Variants in AKAP6 observed in about 807,000 individuals in gnomAD.
AKAP6 encodes the protein A-kinase anchoring protein 6.
AKAP6 carries 58 observed loss-of-function variants against 188.5 expected under a neutral mutation model. The observed-to-expected ratio is 0.31, with a 90% CI of 0.25 to 0.38. The LOEUF is 0.38. Among genes scored for constraint, AKAP6 ranks in the 10% least tolerant of loss-of-function variants. The pLI is 1.00. For missense variants in AKAP6, 2,710 were observed against 2,740.0 expected (o/e 0.99, Z 0.24); for synonymous variants, 989 against 998.6 (o/e 0.99, Z 0.18).
chr14:32,453,430 A>T (rs966443871), intron 2 of AKAP6, among the ~76,000 whole-genome samples: 1 of 152,142 alleles, frequency 6.6e-6, no homozygotes, highest in African/African-American at 2.4e-5. Context: ...CCAGTGTTGT[A>T]ATCTAGTTTG....
chr14:32,348,433 TTTAA>T (rs1887147700), intron 1 of AKAP6, among the ~76,000 whole-genome samples: 4 of 147,770 alleles, frequency 2.7e-5, no homozygotes, highest in African/African-American at 1.0e-4. Context: ...TTTTTTTTTT[TTTAA>T]GAGTTTTGCT....
At chr14:32,510,382 ATATATATATGTG>A (rs1566546332) in intron 2 of AKAP6, among the ~76,000 whole-genome samples, 2 of 109,688 alleles carry the variant, frequency 1.8e-5, no homozygotes, top group African/African-American at 3.9e-5. Context: ...ATATATGTGT[ATATATATATGTG>A]TATATATATG....
At chr14:32,801,461 G>A (rs1594960573) in intron 12 of AKAP6, among the ~76,000 whole-genome samples, 1 of 152,076 alleles carries the variant, frequency 6.6e-6, no homozygotes, top group East Asian at 1.9e-4. Flanking sequence ...CAACATTGCT[G>A]TCATCACTTT....
intron 1 of AKAP6, among the ~76,000 whole-genome samples, chr14:32,428,072 A>C (rs1190584333): frequency 3.9e-5 from 6 of 152,210 alleles, no homozygotes; most frequent in African/African-American, 1.4e-4. Flanking sequence ...TTTCTTGCTG[A>C]GACAGAGCAG....
chr14:32,498,100 T>C (rs1387071428), intron 2 of AKAP6, among the ~76,000 whole-genome samples: 1 of 152,198 alleles, frequency 6.6e-6, no homozygotes, highest in Non-Finnish European at 1.5e-5. Context: ...GTCGTCCTTC[T>C]ACAATTCCAT....
chr14:32,652,290 G>A (rs1594813941), intron 7 of AKAP6, among the ~76,000 whole-genome samples: 1 of 152,052 alleles, frequency 6.6e-6, no homozygotes, highest in East Asian at 1.9e-4. Flanking sequence ...GTTCCCAAAT[G>A]GGAGCCACCA....
intron 12 of AKAP6, among the ~76,000 whole-genome samples, chr14:32,793,358 A>T (rs2033667305): frequency 6.6e-6 from 1 of 152,192 alleles, no homozygotes; most frequent in South Asian, 2.1e-4. Context: ...AAACAGAAAA[A>T]ATCAGGGGTT....
In AKAP6 at chr14:32,732,535, G is replaced by T. The variant is rs141386857; in HGVS notation, c.3082G>T (p.Val1028Phe). Reference protein sequence around the residue: ...SKVEALKKGGVLLPNDLLEKV... With the variant: ...SKVEALKKGGFLLPNDLLEKV... Reference sequence around the variant, plus strand: ...GGTTGAAGCTTTGAAGAAAGGTGGCGTTTTACTACCAAATGATCTCCTTGA... The same window carrying T: ...GGTTGAAGCTTTGAAGAAAGGTGGCTTTTTACTACCAAATGATCTCCTTGA... The change falls in exon 10 of 14, where the codon GTT becomes TTT. Residue 1028 changes from valine (V) to phenylalanine (F), a missense_variant. Transcript: ENST00000280979. The T allele has an allele frequency of 1.2e-6, 2 of 1,613,518 alleles. No homozygotes were observed. The highest frequency in any genetic ancestry group is 2.7e-5 in the African/African-American group (2 of 74,992).
chr14:32,491,094 A>C (rs1210614654), intron 2 of AKAP6, among the ~76,000 whole-genome samples: 1 of 152,150 alleles, frequency 6.6e-6, no homozygotes, highest in Non-Finnish European at 1.5e-5. Context: ...TCTCAGATTA[A>C]TTCTGATCAT....
intron 7 of AKAP6, among the ~76,000 whole-genome samples, chr14:32,623,793 T>C (rs1157145060): frequency 6.6e-6 from 1 of 152,280 alleles, no homozygotes; most frequent in Non-Finnish European, 1.5e-5. Context: ...CCGTATTCCT[T>C]GTCCTAATAA....
In AKAP6 at chr14:32,829,951, A is replaced by G. The variant is rs1472519954; in HGVS notation, c.*146A>G. On this transcript the variant is annotated 3_prime_UTR_variant, in exon 14 of 14. Transcript: ENST00000280979. Reference sequence around the variant, plus strand: ...CCGTTTATTACATTGACTTCTCCCAAGATGAATCTTCCTTCCAAATGTGTT... The same window carrying G: ...CCGTTTATTACATTGACTTCTCCCAGGATGAATCTTCCTTCCAAATGTGTT... 4 of 702,558 alleles carry G rather than the reference A, an allele frequency of 5.7e-6. No homozygotes were observed. Among genetic ancestry groups the G allele is most frequent in the Non-Finnish European group, 7.8e-6 (3 of 384,772 alleles). 43.5% of individuals were successfully genotyped at this position (702,558 alleles called of 1,614,324 possible).
intron 2 of AKAP6, among the ~76,000 whole-genome samples, chr14:32,513,741 CA>C (rs1269696956): frequency 1.3e-5 from 2 of 151,852 alleles, no homozygotes; most frequent in Non-Finnish European, 2.9e-5. Flanking sequence ...ATAAACAGTA[CA>C]ATAAAAATCA....
intron 1 of AKAP6, among the ~76,000 whole-genome samples, chr14:32,341,907 G>A (rs1886902011): frequency 6.6e-6 from 1 of 152,156 alleles, no homozygotes; most frequent in Admixed American, 6.5e-5. Context: ...AGCTACTAGG[G>A]AGGCTGAGGC....
chr14:32,413,639 A>G (rs995113605), intron 1 of AKAP6, among the ~76,000 whole-genome samples: 1 of 152,150 alleles, frequency 6.6e-6, no homozygotes, highest in Non-Finnish European at 1.5e-5. Flanking sequence ...TAAATTCTCC[A>G]TAGCTCTTAG....
Position 32,773,758 on chromosome 14 carries a change from G to A in AKAP6, c.3453G>A (p.Arg1151=), listed in dbSNP as rs766914800. 9 of 1,613,986 alleles carry A rather than the reference G, an allele frequency of 5.6e-6. No individual in the cohort carries two copies. The highest frequency in any genetic ancestry group is 1.1e-5 in the South Asian group (1 of 91,078). The part of the protein sequence containing the change: ...LRLCQHLLDD[R]ETCNLNADHQ... ...TATGCCAGCATCTTTTGGATGACCG[G>A]GAGACTTGCAATCTGAATGCAGACC... Residue 1151 remains arginine, a synonymous_variant, in exon 12 of 14, where the codon CGG becomes CGA. Transcript: ENST00000280979.
intron 7 of AKAP6, among the ~76,000 whole-genome samples, chr14:32,676,986 C>T (rs1158477374): frequency 6.6e-6 from 1 of 151,962 alleles, no homozygotes; most frequent in Admixed American, 6.6e-5. Flanking sequence ...GGCATGCGCC[C>T]GGGTAATTTT....
rs1314660429 is a variant in AKAP6, at chr14:32,800,057, C to CTA, written c.3589-21344_3589-21343insAT. Among the ~76,000 whole-genome samples, 115 of 104,844 alleles carry CTA rather than the reference C, an allele frequency of 1.1e-3. 2 individuals are homozygous for CTA. The highest frequency in any genetic ancestry group is 3.8e-3 in the African/African-American group (101 of 26,534). 68.8% of individuals were successfully genotyped at this position (104,844 alleles called of 152,430 possible). On this transcript the variant is annotated intron_variant, in intron 12 of 13. Coordinates refer to ENST00000280979, the MANE Select transcript of AKAP6 (RefSeq NM_004274.5). Reference sequence around the variant, plus strand: ...AAACCCTGTCTCTCTCTCTCTCTCTCTCTCTATATATATAGAAATATATAT... The same window carrying CTA: ...AAACCCTGTCTCTCTCTCTCTCTCTCTATCTCTATATATATAGAAATATATAT...
chr14:32,600,812 C>T lies in AKAP6; in HGVS notation c.2730+20C>T. On this transcript the variant is annotated intron_variant, in intron 7 of 13. Coordinates refer to ENST00000280979, the MANE Select transcript of AKAP6 (RefSeq NM_004274.5). ...CCCAAGGTAAGTGGCTTGAAGTTTG[C>T]CTTATTTCCTCTTATTTCTGTCTTC... 6.3e-7 allele frequency: 1 copy of T among 1,575,432 alleles called. No homozygotes were observed. Among genetic ancestry groups the T allele is most frequent in the Non-Finnish European group, 8.6e-7 (1 of 1,160,746 alleles).
rs1196916702 is a variant in AKAP6 at position 32,435,591 on chromosome 14, T to C, written c.324+1774T>C. On this transcript the variant is annotated intron_variant, in intron 2 of 13. Transcript: ENST00000280979. ...ACCCACCTCCATCAGCTCCATCCCT[T>C]AGTGTGGTCTGTCTCCCCTGCTGAG... is the stretch of plus-strand genomic sequence containing the variant. Among the ~76,000 whole-genome samples, 3 of 152,180 alleles carry C rather than the reference T, an allele frequency of 2.0e-5. No individual in the cohort carries two copies. In the East Asian group the frequency reaches 5.8e-4, roughly 29 times the overall value.
Sources: gnomAD v4.1 joint callset for allele counts (sites outside exome capture counted in the v4.1 genomes callset) on GRCh38, gnomAD v4.1.1 for gene constraint, MANE v1.5 for transcripts, NCBI Gene and HGNC (gene_info 2026-07-23, HGNC 2026-07-21) for gene names.